Variants in MCTP1 observed in about 807,000 individuals in gnomAD.
MCTP1 encodes the protein multiple C2 and transmembrane domain containing 1, also known as multiple C2 and transmembrane domain-containing protein 1.
In MCTP1, 69 loss-of-function variants were observed where a neutral mutation model predicts 120.6. The observed-to-expected ratio is 0.57, with a 90% CI of 0.47 to 0.70. The LOEUF is 0.70. Ranked by LOEUF, MCTP1 falls within the 30% of genes least tolerant of loss-of-function variation. The probability of loss-of-function intolerance (pLI) is 0.00; values close to 1 mark genes in which losing one functional copy is unlikely to be tolerated. For missense variants in MCTP1, 1,203 were observed against 1,248.8 expected, an observed-to-expected ratio of 0.96 and a Z score of 0.55; for synonymous variants, 529 against 493.1, an observed-to-expected ratio of 1.07 and a Z score of -0.96.
intron 17 of MCTP1, among the ~76,000 whole-genome samples, chr5:94,848,257 C>G (rs1792924522): frequency 6.6e-6 from 1 of 152,036 alleles, no homozygotes; most frequent in South Asian, 2.1e-4. Flanking sequence ...AAATGTGTAA[C>G]ATTAAGAAAT....
At chr5:94,835,253 C>T (rs759044161) in intron 17 of MCTP1, among the ~76,000 whole-genome samples, 7 of 152,128 alleles carry the variant, frequency 4.6e-5, no homozygotes, top group Admixed American at 2.6e-4. Flanking sequence ...ATGTTGATTA[C>T]CTGATTTTTA....
chr5:95,104,802 G>T (rs1756975176), intron 1 of MCTP1, among the ~76,000 whole-genome samples: 1 of 152,072 alleles, frequency 6.6e-6, no homozygotes, highest in Admixed American at 6.6e-5. Flanking sequence ...TGACTCCATT[G>T]GGAACTACAA....
intron 1 of MCTP1, among the ~76,000 whole-genome samples, chr5:95,094,820 A>G (rs1216761135): frequency 2.1e-4 from 32 of 152,028 alleles, no homozygotes. Context: ...ATTTCTGAGA[A>G]TTTCAAGATT....
chr5:95,031,944 C>A (rs890267100), intron 1 of MCTP1, among the ~76,000 whole-genome samples: 1 of 152,060 alleles, frequency 6.6e-6, no homozygotes, highest in African/African-American at 2.4e-5. Context: ...GGTTGCTATT[C>A]TTGTATCAGA....
intron 1 of MCTP1, chr5:95,038,174 C>A (rs1057043777): frequency 1.7e-5 from 16 of 954,060 alleles, no homozygotes; most frequent in Non-Finnish European, 2.0e-5. Context: ...GCAAGTTATT[C>A]CTTCCAGGTA....
intron 2 of MCTP1, among the ~76,000 whole-genome samples, chr5:95,012,444 TTTGA>T (rs1368217288): frequency 6.6e-6 from 1 of 152,132 alleles, no homozygotes; most frequent in Admixed American, 6.6e-5. Context: ...TTGCACTTTG[TTTGA>T]TTGCGCTTCC....
At chr5:95,090,808 C>T (rs1244381136) in intron 1 of MCTP1, among the ~76,000 whole-genome samples, 1 of 152,154 alleles carries the variant, frequency 6.6e-6, no homozygotes, top group African/African-American at 2.4e-5. Flanking sequence ...TATCCCTAGT[C>T]AGAGTGCTCC....
chr5:95,251,086 G>A (rs975653246), intron 1 of MCTP1, among the ~76,000 whole-genome samples: 3 of 152,064 alleles, frequency 2.0e-5, no homozygotes, highest in Non-Finnish European at 2.9e-5. Flanking sequence ...AAACACAGAC[G>A]AGAATTTCGG....
chr5:95,129,582 C>T (rs1423401654), intron 1 of MCTP1, among the ~76,000 whole-genome samples: 1 of 152,120 alleles, frequency 6.6e-6, no homozygotes, highest in Non-Finnish European at 1.5e-5. Flanking sequence ...AATCAGTAAA[C>T]TGAGTAGAGA....
At chr5:95,050,227 C>T (rs1745539971) in intron 1 of MCTP1, among the ~76,000 whole-genome samples, 1 of 152,062 alleles carries the variant, frequency 6.6e-6, no homozygotes, top group Non-Finnish European at 1.5e-5. Flanking sequence ...CACAGAATAT[C>T]CAGTGAAATT....
At chr5:95,212,970 C>A (rs1752580102) in intron 1 of MCTP1, among the ~76,000 whole-genome samples, 1 of 152,196 alleles carries the variant, frequency 6.6e-6, no homozygotes, top group African/African-American at 2.4e-5. Flanking sequence ...GGGATGCCCT[C>A]TCTCACCACT....
At chr5:94,956,582 T>C (rs778255313) in intron 2 of MCTP1, among the ~76,000 whole-genome samples, 37 of 152,108 alleles carry the variant, frequency 2.4e-4, no homozygotes, top group Non-Finnish European at 5.0e-4. Flanking sequence ...AATGACCTGA[T>C]GGAGCTGAAA....
At chr5:94,842,388 A>G (rs1791281297) in intron 17 of MCTP1, among the ~76,000 whole-genome samples, 1 of 152,228 alleles carries the variant, frequency 6.6e-6, no homozygotes, top group South Asian at 2.1e-4. Flanking sequence ...ACTATGAAAA[A>G]GGGCATGTTT....
At chr5:95,159,562 A>C (rs1745489821) in intron 1 of MCTP1, among the ~76,000 whole-genome samples, 1 of 152,232 alleles carries the variant, frequency 6.6e-6, no homozygotes, top group Non-Finnish European at 1.5e-5. Context: ...TTACTAAGAC[A>C]CAACAATGGT....
chr5:94,766,452 T>G (rs995522195), intron 19 of MCTP1, among the ~76,000 whole-genome samples: 1 of 34,424 alleles, frequency 2.9e-5, no homozygotes, highest in Non-Finnish European at 6.5e-5. Context: ...ATGTTCTCAC[T>G]CATAGGTGGG....
chr5:95,268,798 T>C (rs1213665257), intron 1 of MCTP1, among the ~76,000 whole-genome samples: 1 of 152,198 alleles, frequency 6.6e-6, no homozygotes, highest in Non-Finnish European at 1.5e-5. Context: ...ACCAGCTTAT[T>C]GGGGCCAAAG....
At chr5:94,896,018 C>T (rs1454094892) in intron 10 of MCTP1, among the ~76,000 whole-genome samples, 5 of 152,136 alleles carry the variant, frequency 3.3e-5, no homozygotes. Flanking sequence ...AAAACATCTT[C>T]CTGAAGTTAG....
At position 94,940,053 on chromosome 5, in the gene MCTP1, A is replaced by G. The variant is rs557649457; in HGVS notation, c.1173+31T>C. ...AAGGCTCACAACTTTCAAACAAGAA[A>G]GAGCTCCTACTAGGCTGTGGGGGAA... On this transcript the variant is annotated intron_variant, in intron 5 of 22. Coordinates refer to ENST00000515393, the MANE Select transcript of MCTP1 (RefSeq NM_024717.7). 9 of 1,299,368 alleles carry G rather than the reference A, an allele frequency of 6.9e-6. No individual in the cohort carries two copies. In the Admixed American group the frequency reaches 9.6e-5, roughly 14 times the overall value. The allele number at this position is 1,299,368 out of a possible 1,614,324, so 80.5% of individuals were successfully genotyped here.
Position 94,842,595 on chromosome 5 carries a change from T to C in MCTP1, c.2436+25738A>G, listed in dbSNP as rs1286458958. Among the ~76,000 whole-genome samples, 3 of 152,228 alleles carry C rather than the reference T, an allele frequency of 2.0e-5. No homozygotes were observed. In the East Asian group the frequency reaches 5.8e-4, roughly 29 times the overall value. Reference sequence around the variant, plus strand: ...GGAACAAAGGGCCACAAGCAATTCCTTCCTCTTATCTTTGCAATATGATAA... The same window carrying C: ...GGAACAAAGGGCCACAAGCAATTCCCTCCTCTTATCTTTGCAATATGATAA... On this transcript the variant is annotated intron_variant, in intron 17 of 22. Transcript: ENST00000515393.
Sources: allele counts gnomAD v4.1 joint callset (sites outside exome capture counted in the v4.1 genomes callset), GRCh38; gene constraint gnomAD v4.1.1; transcripts MANE v1.5; gene names NCBI Gene and HGNC (gene_info 2026-07-23, HGNC 2026-07-21).